USP45: variants seen among roughly 807,000 people sequenced by gnomAD.
USP45 encodes the protein ubiquitin specific peptidase 45, also known as ubiquitin carboxyl-terminal hydrolase 45.
In USP45, 89 loss-of-function variants were observed where a neutral mutation model predicts 95.8. The ratio of observed to expected loss-of-function variants is 0.93; its 90% CI spans 0.78 to 1.11. USP45 has a LOEUF of 1.11. USP45 is among the 50% of genes least tolerant of loss of function. The probability of loss-of-function intolerance (pLI) is 0.00; values close to 1 mark genes in which losing one functional copy is unlikely to be tolerated. For missense variants in USP45, 898 were observed against 942.5 expected (o/e 0.95, Z 0.62); for synonymous variants, 281 against 316.2 (o/e 0.89, Z 1.18).
chr6:99,449,683 C>G (rs911700580), intron 13 of USP45, among the ~76,000 whole-genome samples: 1 of 152,172 alleles, frequency 6.6e-6, no homozygotes, highest in Non-Finnish European at 1.5e-5. Context: ...TCAAGTGGAC[C>G]TAGTAGACAT....
intron 13 of USP45, among the ~76,000 whole-genome samples, chr6:99,453,496 T>C (rs977525796): frequency 5.3e-5 from 8 of 151,858 alleles, no homozygotes; most frequent in Non-Finnish European, 8.8e-5. Flanking sequence ...AACTATAAAA[T>C]ACTGATGAAA....
At chr6:99,516,460 C>G (rs1300172083), upstream of USP45, among the ~76,000 whole-genome samples, 1 of 152,150 alleles carries the variant, frequency 6.6e-6, no homozygotes, top group East Asian at 1.9e-4. Flanking sequence ...AAATTGCAAA[C>G]ACTAAATTTT....
chr6:99,480,162 A>G (rs980268232), intron 8 of USP45, among the ~76,000 whole-genome samples: 4 of 152,220 alleles, frequency 2.6e-5, no homozygotes, highest in African/African-American at 7.2e-5. Context: ...AATAAATAGC[A>G]TAAAAACATG....
At chr6:99,486,058 AT>A (rs2128721575) in intron 7 of USP45, among the ~76,000 whole-genome samples, 1 of 152,276 alleles carries the variant, frequency 6.6e-6, no homozygotes, top group African/African-American at 2.4e-5. Context: ...TGTTCCCCTA[AT>A]TTTGGGATTA....
At chr6:99,446,610 A>T in intron 13 of USP45, 147 bp from the exon 14 acceptor site, 1 of 778,550 alleles carries the variant, frequency 1.3e-6, no homozygotes, top group Non-Finnish European at 2.0e-6. Flanking sequence ...TCACTAGAAG[A>T]TATACTAAAA....
chr6:99,457,465 C>G lies in USP45; in HGVS notation c.1308+7139G>C, dbSNP rs371927869. ...ATGCTTAAGGAAAATAGAAAAGAAC[C>G]TATGTGAATATTGGGGCAGGTTCCC... On this transcript the variant is annotated intron_variant, in intron 13 of 17. Transcript: ENST00000500704. Among the ~76,000 whole-genome samples, 9 of 152,246 alleles carry G rather than the reference C, an allele frequency of 5.9e-5. No individual in the cohort carries two copies. The East Asian group carries it at 1.4e-3, about 23-fold the overall frequency.
intron 9 of USP45, among the ~76,000 whole-genome samples, chr6:99,470,201 A>G (rs891474407): frequency 2.0e-5 from 3 of 152,156 alleles, no homozygotes; most frequent in Non-Finnish European, 4.4e-5. Flanking sequence ...CTGCCATTAT[A>G]ACATGCTTTT....
At chr6:99,471,838 T>G (rs1036874837) in intron 9 of USP45, among the ~76,000 whole-genome samples, 2 of 152,224 alleles carry the variant, frequency 1.3e-5, no homozygotes, top group African/African-American at 2.4e-5. Flanking sequence ...GATTAACAGC[T>G]GTGGAGTTCC....
At chr6:99,471,907 G>A (rs773734947) in intron 9 of USP45, among the ~76,000 whole-genome samples, 3 of 152,184 alleles carry the variant, frequency 2.0e-5, no homozygotes, top group Non-Finnish European at 1.5e-5. Flanking sequence ...GACTGTCCTC[G>A]CTTATGAAAT....
In USP45 at chr6:99,495,089, T is replaced by C. The variant is rs139664929; in HGVS notation, c.479-6269A>G. On this transcript the variant is annotated intron_variant, in intron 5 of 17. Coordinates refer to ENST00000500704, the MANE Select transcript of USP45 (RefSeq NM_001346022.3). Reference sequence around the variant, plus strand: ...ATTAAAAGCTTCATTATGGCAAAACTGAACTATAAACAAAGTTAAATATGG... The same window carrying C: ...ATTAAAAGCTTCATTATGGCAAAACCGAACTATAAACAAAGTTAAATATGG... 1.8e-3 allele frequency among the ~76,000 whole-genome samples: 273 copies of C among 152,278 alleles called. 2 individuals are homozygous for C. Among genetic ancestry groups the C allele is most frequent in the East Asian group, 5.8e-3 (30 of 5,188 alleles).
intron 2 of USP45, 149 bp from the exon 3 acceptor site, chr6:99,508,931 ATTCC>A: frequency 1.6e-6 from 1 of 627,918 alleles, no homozygotes; most frequent in Non-Finnish European, 2.6e-6. Flanking sequence ...ATGCTATATA[ATTCC>A]ATTTATATAA....
At chr6:99,482,594 T>A in intron 8 of USP45, 159 bp downstream of exon 8, 1 of 594,528 alleles carries the variant, frequency 1.7e-6, no homozygotes, top group Non-Finnish European at 2.7e-6. Flanking sequence ...GACTGAGATA[T>A]AATTTTCATA....
chr6:99,504,416 C>T (rs1284518206), intron 4 of USP45, among the ~76,000 whole-genome samples: 4 of 152,086 alleles, frequency 2.6e-5, no homozygotes, highest in African/African-American at 4.8e-5. Context: ...TTGGGATTAC[C>T]GGTGTGAGCT....
intron 10 of USP45, among the ~76,000 whole-genome samples, chr6:99,467,824 A>T (rs1788382470): frequency 6.6e-6 from 1 of 152,136 alleles, no homozygotes; most frequent in African/African-American, 2.4e-5. Context: ...TTTGCAAATT[A>T]TAGACCTGTA....
At chr6:99,482,651 A>G (rs1293159914) in intron 8 of USP45, 102 bp downstream of exon 8, 1 of 1,204,828 alleles carries the variant, frequency 8.3e-7, no homozygotes, top group Non-Finnish European at 1.1e-6. Flanking sequence ...AGTCAGGGCA[A>G]TAAGAGCAAA....
intron 12 of USP45, 124 bp from the exon 13 acceptor site, chr6:99,464,871 T>A: frequency 8.3e-7 from 1 of 1,199,068 alleles, no homozygotes; most frequent in Non-Finnish European, 1.1e-6. Context: ...ATAAAAAGTG[T>A]TTAAGAGTTT....
chr6:99,459,141 C>G (rs1423697028), intron 13 of USP45, among the ~76,000 whole-genome samples: 1 of 152,138 alleles, frequency 6.6e-6, no homozygotes, highest in South Asian at 2.1e-4. Context: ...CCTCCTCCCA[C>G]CCTGTGCACC....
chr6:99,435,778 C>T lies in USP45; in HGVS notation c.2383G>A (p.Val795Ile). 1.2e-6 allele frequency: 2 copies of T among 1,613,676 alleles called. No homozygotes were observed. The highest frequency in any genetic ancestry group is 1.7e-4 in the Middle Eastern group (1 of 6,058). Residue 795 changes from valine (V) to isoleucine (I), a missense_variant, in exon 18 of 18, where the codon GTT (valine) becomes ATT (isoleucine). Val to Ile is a conservative substitution (Grantham distance 29). Coordinates refer to ENST00000500704, the MANE Select transcript of USP45 (RefSeq NM_001346022.3). ...GCACTAAGTGCTCTTGATTCTGGAA[C>T]CACCTGTAAGTAAGTGTCACTAACA... ...VHVSDTYLQV[V>I]PESRALSAQA...
intron 10 of USP45, chr6:99,468,233 T>C: frequency 2.1e-6 from 1 of 478,626 alleles, no homozygotes; most frequent in South Asian, 1.6e-5. Flanking sequence ...ATGATACATA[T>C]GAACTTCCAA....
Sources: allele counts gnomAD v4.1 joint callset (sites outside exome capture counted in the v4.1 genomes callset), GRCh38; gene constraint gnomAD v4.1.1; transcripts MANE v1.5; gene names NCBI Gene and HGNC (gene_info 2026-07-23, HGNC 2026-07-21).